The following LRBA variants were observed in gnomAD, a reference collection of about 807,000 sequenced individuals.
LRBA encodes LPS responsive beige-like anchor protein, also known as lipopolysaccharide-responsive and beige-like anchor protein.
A neutral mutation model predicts 330.0 loss-of-function variants in LRBA; 176 were observed. The observed-to-expected ratio is 0.53, with a 90% confidence interval of 0.47 to 0.60. LRBA has a LOEUF of 0.60. Among genes scored for constraint, LRBA ranks in the 20% least tolerant of loss-of-function variants. LRBA has a pLI of 0.00. For missense variants in LRBA, 3,259 were observed against 3,444.8 expected, an observed-to-expected ratio of 0.95 and a Z score of 1.35; for synonymous variants, 1,230 against 1,193.0, an observed-to-expected ratio of 1.03 and a Z score of -0.64.
intron 53 of LRBA, among the ~76,000 whole-genome samples, chr4:150,287,749 T>C (rs770814662): frequency 1.3e-5 from 2 of 152,090 alleles, no homozygotes; most frequent in Non-Finnish European, 2.9e-5. Context: ...AAAAATAACA[T>C]ACAAAGAGGC....
intron 48 of LRBA, among the ~76,000 whole-genome samples, chr4:150,329,573 T>C (rs539035803): frequency 6.6e-6 from 1 of 152,110 alleles, no homozygotes; most frequent in East Asian, 1.9e-4. Context: ...TTTAGCACTA[T>C]GATTCACTCA....
intron 47 of LRBA, among the ~76,000 whole-genome samples, chr4:150,368,899 G>T (rs1418160307): frequency 1.3e-5 from 2 of 152,106 alleles, no homozygotes; most frequent in Non-Finnish European, 2.9e-5. Flanking sequence ...GGTTTCACTG[G>T]CACATAGCCT....
intron 2 of LRBA, among the ~76,000 whole-genome samples, chr4:150,977,220 C>A (rs1038661093): frequency 1.3e-5 from 2 of 152,202 alleles, no homozygotes; most frequent in African/African-American, 4.8e-5. Flanking sequence ...CTTCCATCAG[C>A]TTGAGGAGAG....
chr4:150,640,894 G>A (rs113918259), intron 37 of LRBA, among the ~76,000 whole-genome samples: 10 of 152,226 alleles, frequency 6.6e-5, no homozygotes, highest in African/African-American at 2.2e-4. Context: ...ATTTAGGATC[G>A]CTTATGACCT....
intron 40 of LRBA, among the ~76,000 whole-genome samples, chr4:150,552,363 A>C (rs895833693): frequency 1.3e-5 from 2 of 152,200 alleles, no homozygotes; most frequent in Non-Finnish European, 2.9e-5. Flanking sequence ...TCTCAAAAGA[A>C]GACATTTATG....
Position 150,928,550 on chromosome 4 carries a change from A to T in LRBA, c.515T>A (p.Phe172Tyr), listed in dbSNP as rs1219381116. ...TTTATCTCCTTGAAGTTTACTGAAG[A>T]AAAGCTTTAGCTCGCGAACTGTCAA... ...YNLTVRELKLFFSKLQGDKGR... is the reference protein window; with the variant it reads ...YNLTVRELKLYFSKLQGDKGR... The change falls in exon 4 of 57, where the codon TTC (phenylalanine) becomes TAC (tyrosine). Residue 172 changes from phenylalanine (F) to tyrosine (Y), a missense_variant. Transcript: ENST00000651943. The T allele has an allele frequency of 6.2e-7, 1 of 1,613,750 alleles. No individual in the cohort carries two copies. The highest frequency in any genetic ancestry group is 8.5e-7 in the Non-Finnish European group (1 of 1,179,878).
intron 41 of LRBA, among the ~76,000 whole-genome samples, chr4:150,490,667 T>C (rs1758796564): frequency 6.6e-6 from 1 of 151,840 alleles, no homozygotes; most frequent in African/African-American, 2.4e-5. Context: ...TGGTTATGTA[T>C]TCCTTATGTT....
intron 37 of LRBA, among the ~76,000 whole-genome samples, chr4:150,663,446 T>C (rs1278089146): frequency 6.6e-6 from 1 of 151,964 alleles, no homozygotes; most frequent in African/African-American, 2.4e-5. Flanking sequence ...TGTCATATGA[T>C]ATAAAAATAC....
At chr4:150,694,092 T>A (rs1308476503) in intron 36 of LRBA, among the ~76,000 whole-genome samples, 1 of 152,086 alleles carries the variant, frequency 6.6e-6, no homozygotes, top group African/African-American at 2.4e-5. Flanking sequence ...AAGAAATTTC[T>A]CTCTTCTACC....
intron 40 of LRBA, among the ~76,000 whole-genome samples, chr4:150,525,593 T>C (rs1366825928): frequency 2.0e-5 from 3 of 152,180 alleles, no homozygotes; most frequent in African/African-American, 7.2e-5. Context: ...GAAACAGTCT[T>C]CCTTTTAGAG....
In LRBA at chr4:150,868,313, A is replaced by G. The variant is rs1560938790; in HGVS notation, c.2450-8T>C. The stretch of plus-strand genomic sequence containing the variant: ...CAATTACTTTTAGTATCTCTGTAAG[A>G]CAGTTTATAAATAAGTAAAAACCAA... On this transcript the variant is annotated splice_region_variant and splice_polypyrimidine_tract_variant and intron_variant, in intron 20 of 56. Transcript: ENST00000651943. 1 of 1,584,908 alleles carries G rather than the reference A, an allele frequency of 6.3e-7. No individual in the cohort carries two copies. The highest frequency in any genetic ancestry group is 1.2e-5 in the South Asian group (1 of 85,162).
At chr4:150,438,088 C>T (rs1012539342) in intron 44 of LRBA, among the ~76,000 whole-genome samples, 7 of 152,156 alleles carry the variant, frequency 4.6e-5, no homozygotes, top group Admixed American at 4.6e-4. Flanking sequence ...ACAATTCATT[C>T]TCAAAAAACA....
At chr4:150,913,106 T>A (rs1415708115) in intron 9 of LRBA, among the ~76,000 whole-genome samples, 1 of 152,222 alleles carries the variant, frequency 6.6e-6, no homozygotes, top group African/African-American at 2.4e-5. Context: ...AATTTCAATC[T>A]TAACTTTGTT....
At chr4:150,643,951 T>C (rs1352021515) in intron 37 of LRBA, among the ~76,000 whole-genome samples, 1 of 151,958 alleles carries the variant, frequency 6.6e-6, no homozygotes, top group Non-Finnish European at 1.5e-5. Flanking sequence ...TCTCATCACT[T>C]AGCACTGATG....
chr4:150,548,719 AG>A (rs1195804491), intron 40 of LRBA, among the ~76,000 whole-genome samples: 4 of 152,212 alleles, frequency 2.6e-5, no homozygotes, highest in African/African-American at 4.8e-5. Flanking sequence ...CAACTCAATA[AG>A]TGCTACTTAT....
intron 36 of LRBA, among the ~76,000 whole-genome samples, chr4:150,712,849 T>C (rs1786364081): frequency 6.6e-6 from 1 of 152,112 alleles, no homozygotes; most frequent in Non-Finnish European, 1.5e-5. Flanking sequence ...TTTTCCAATA[T>C]ATCACACACA....
At chr4:150,721,121 T>C (rs1370125695) in intron 36 of LRBA, 2 of 591,486 alleles carry the variant, frequency 3.4e-6, no homozygotes, top group Non-Finnish European at 6.6e-6. Flanking sequence ...CATGGGGAGA[T>C]ACTCTGGAGG....
intron 22 of LRBA, among the ~76,000 whole-genome samples, chr4:150,855,909 G>A (rs1751168260): frequency 6.6e-6 from 1 of 152,172 alleles, no homozygotes; most frequent in Non-Finnish European, 1.5e-5. Flanking sequence ...GAATCTGTGA[G>A]TTGCAGCAGG....
chr4:150,664,120 A>G (rs912377498), intron 37 of LRBA, among the ~76,000 whole-genome samples: 15 of 152,198 alleles, frequency 9.9e-5, no homozygotes, highest in Non-Finnish European at 1.8e-4. Context: ...AGGTTTTTCA[A>G]TGAAGTGGTT....
Sources: allele counts gnomAD v4.1 joint callset (sites outside exome capture counted in the v4.1 genomes callset), GRCh38; gene constraint gnomAD v4.1.1; transcripts MANE v1.5; gene names NCBI Gene and HGNC (gene_info 2026-07-23, HGNC 2026-07-21).